ZFPM1: variants seen among roughly 807,000 people sequenced by gnomAD.
ZFPM1 encodes the protein zinc finger protein ZFPM1.
In ZFPM1, 28 loss-of-function variants were observed where a neutral mutation model predicts 46.3. That is an observed-to-expected ratio of 0.60 (90% CI 0.45 to 0.83). ZFPM1 has a LOEUF of 0.83. Among genes scored for constraint, ZFPM1 ranks in the 40% least tolerant of loss-of-function variants. ZFPM1 has a pLI of 0.00. For synonymous variants in ZFPM1, 957 were observed against 675.9 expected, an observed-to-expected ratio of 1.42 and a Z score of -6.45; for missense variants, 1,878 against 1,432.4, an observed-to-expected ratio of 1.31 and a Z score of -5.02.
intron 1 of ZFPM1, 28 bp downstream of exon 1, chr16:88,453,706 TCCGCGCGCCCGACCCCCGCCGGAGCCCAG>T: frequency 8.5e-7 from 1 of 1,178,138 alleles, no homozygotes; most frequent in Non-Finnish European, 1.1e-6. Context: ...CGCGGTCCCC[TCCGCGCGCCCGACCCCCGCCGGAGCCCAG>T]CCGCCAGCGC....
intron 1 of ZFPM1, among the ~76,000 whole-genome samples, chr16:88,466,431 C>T (rs184095793): frequency 3.5e-4 from 54 of 152,300 alleles, no homozygotes; most frequent in African/African-American, 1.2e-3. Flanking sequence ...AGAGTCTAGC[C>T]GAGGTCAGAG....
chr16:88,523,796 C>T (rs1912088317), intron 4 of ZFPM1, among the ~76,000 whole-genome samples: 1 of 152,186 alleles, frequency 6.6e-6, no homozygotes, highest in Admixed American at 6.5e-5. Flanking sequence ...CTGTTCCCTC[C>T]CGGGTCGGGG....
At chr16:88,465,121 C>A (rs1908076061) in intron 1 of ZFPM1, among the ~76,000 whole-genome samples, 1 of 152,224 alleles carries the variant, frequency 6.6e-6, no homozygotes, top group Non-Finnish European at 1.5e-5. Context: ...CTGGGCCAGA[C>A]CATGAACCAC....
At chr16:88,491,739 G>GC (rs1909589269) in intron 3 of ZFPM1, among the ~76,000 whole-genome samples, 1 of 152,226 alleles carries the variant, frequency 6.6e-6, no homozygotes, top group Non-Finnish European at 1.5e-5. Context: ...GGACCAGGCG[G>GC]TGCCCTATCG....
Position 88,533,278 on chromosome 16 carries a change from G to A in ZFPM1, c.1320G>A (p.Glu440=), listed in dbSNP as rs1178558383. The A allele has an allele frequency of 1.4e-5, 19 of 1,393,534 alleles. No homozygotes were observed. The East Asian group carries it at 2.8e-4, about 20-fold the overall frequency. The allele number at this position is 1,393,534 out of a possible 1,614,324, so 86.3% of individuals were successfully genotyped here. The change falls in exon 10 of 10, where the codon GAG becomes GAA. Residue 440 remains glutamate, a synonymous_variant. Transcript: ENST00000319555. ...CCCTGGCCGAGGCCACCAACGGAGA[G>A]GCCAGAGCGGAGCCTCTGGCCCAGA... The part of the protein sequence containing the change: ...RKALAEATNG[E]ARAEPLAQNG...
In ZFPM1 at chr16:88,480,047, G is replaced by A. The variant is rs1324101107; in HGVS notation, c.41-5892G>A. ...GGCTGAGTCCTAACGCCAGCCTTTG[G>A]CAAGACAGTTTGATCCGCTGAAACC... On this transcript the variant is annotated intron_variant, in intron 1 of 9. Coordinates refer to ENST00000319555, the MANE Select transcript of ZFPM1 (RefSeq NM_153813.3). The surrounding 1 kb of genome is among the most constrained non-coding windows in gnomAD (Gnocchi z 4.9). 6.6e-6 allele frequency among the ~76,000 whole-genome samples: 1 copy of A among 151,902 alleles called. No individual in the cohort carries two copies.
chr16:88,463,015 G>A (rs1402807305), intron 1 of ZFPM1, among the ~76,000 whole-genome samples: 3 of 152,116 alleles, frequency 2.0e-5, no homozygotes, highest in Admixed American at 6.5e-5. Flanking sequence ...TCTCTGTCAC[G>A]GCTGGCCTTG....
intron 2 of ZFPM1, among the ~76,000 whole-genome samples, chr16:88,488,620 T>G (rs1909376941): frequency 6.6e-6 from 1 of 151,580 alleles, no homozygotes; most frequent in African/African-American, 2.4e-5. Flanking sequence ...GGGGCCGAGG[T>G]GGTTATCAGG....
chr16:88,518,075 G>T (rs1008944966), intron 4 of ZFPM1, among the ~76,000 whole-genome samples: 7 of 152,160 alleles, frequency 4.6e-5, no homozygotes, highest in Non-Finnish European at 8.8e-5. Context: ...CATGGTGGCG[G>T]GCGCCTGTAG....
intron 1 of ZFPM1, among the ~76,000 whole-genome samples, chr16:88,465,903 TA>T (rs1908114382): frequency 6.6e-6 from 1 of 151,980 alleles, no homozygotes; most frequent in African/African-American, 2.4e-5. Flanking sequence ...GAAGCAGCCA[TA>T]GGGGTGGAGG....
intron 1 of ZFPM1, among the ~76,000 whole-genome samples, chr16:88,455,292 G>A (rs1439764659): frequency 6.6e-6 from 1 of 152,142 alleles, no homozygotes; most frequent in African/African-American, 2.4e-5. Flanking sequence ...CAGCCCAGCG[G>A]GGCGGGCAGA....
At position 88,534,937 on chromosome 16, in the gene ZFPM1, G is replaced by A. The variant is rs1382965148; in HGVS notation, c.2979G>A (p.Lys993=). The A allele has an allele frequency of 4.5e-6, 7 of 1,539,530 alleles. No homozygotes were observed. Among genetic ancestry groups the A allele is most frequent in the Non-Finnish European group, 5.3e-6 (6 of 1,142,432 alleles). ...FSSLSTFIAH[K]KYYCSSHAAE... ...GCCTGTCCACCTTCATCGCCCACAAGAAGTATTACTGCTCCTCGCACGCCG... is the reference window on the plus strand; with the variant it reads ...GCCTGTCCACCTTCATCGCCCACAAAAAGTATTACTGCTCCTCGCACGCCG... Residue 993 remains lysine (K), a synonymous_variant, in exon 10 of 10, where the codon AAG becomes AAA. Coordinates refer to ENST00000319555, the MANE Select transcript of ZFPM1 (RefSeq NM_153813.3).
intron 7 of ZFPM1, 96 bp from the exon 8 acceptor site, chr16:88,532,518 C>A: frequency 7.6e-7 from 1 of 1,308,246 alleles, no homozygotes; most frequent in Non-Finnish European, 1.1e-6. Context: ...GGTCCCCCGG[C>A]ACAGATCACG....
chr16:88,520,647 G>A (rs1341196144), intron 4 of ZFPM1, among the ~76,000 whole-genome samples: 1 of 136,622 alleles, frequency 7.3e-6, no homozygotes, highest in Admixed American at 7.2e-5. Flanking sequence ...ATAGATGGAT[G>A]GGTGGATGGA....
intron 3 of ZFPM1, among the ~76,000 whole-genome samples, chr16:88,503,513 C>T (rs1392037429): frequency 6.6e-6 from 1 of 150,590 alleles, no homozygotes; most frequent in Non-Finnish European, 1.5e-5. Flanking sequence ...CCGGCCTGTT[C>T]TGCCTCCAGG....
chr16:88,467,393 C>G (rs1309039215), intron 1 of ZFPM1, among the ~76,000 whole-genome samples: 1 of 152,254 alleles, frequency 6.6e-6, no homozygotes, highest in Non-Finnish European at 1.5e-5. Flanking sequence ...GGCCAACCCC[C>G]CTGAGGTCTC....
Position 88,533,383 on chromosome 16 carries a change from C to T in ZFPM1, c.1425C>T (p.Ile475=), listed in dbSNP as rs1385794833. 118 of 1,526,022 alleles carry T rather than the reference C, an allele frequency of 7.7e-5. No homozygotes were observed. Among genetic ancestry groups the T allele is most frequent in the Non-Finnish European group, 9.9e-5 (113 of 1,142,722 alleles). The allele number at this position is 1,526,022 out of a possible 1,614,324, so 94.5% of individuals were successfully genotyped here. ...EAVEEPEAAP[I]LGPGEPGPQA... ...TGGAGGAGCCGGAGGCGGCCCCCAT[C>T]CTGGGCCCCGGAGAGCCTGGGCCCC... is the stretch of plus-strand genomic sequence containing the variant. The change falls in exon 10 of 10, where the codon ATC becomes ATT. Residue 475 remains isoleucine (I), a synonymous_variant. Transcript: ENST00000319555.
chr16:88,458,216 G>C (rs574068761), intron 1 of ZFPM1, among the ~76,000 whole-genome samples: 1 of 152,216 alleles, frequency 6.6e-6, no homozygotes, highest in East Asian at 1.9e-4. Flanking sequence ...TCCGGCTTCT[G>C]TCTGCCCTGC....
intron 1 of ZFPM1, among the ~76,000 whole-genome samples, chr16:88,461,599 A>T (rs547150788): frequency 6.6e-6 from 1 of 152,020 alleles, no homozygotes; most frequent in Non-Finnish European, 1.5e-5. Flanking sequence ...TGTCCTAGGG[A>T]CACGTCTGTG....
Sources: gnomAD v4.1 joint callset for allele counts (sites outside exome capture counted in the v4.1 genomes callset) on GRCh38, gnomAD v4.1.1 for gene constraint, Gnocchi (gnomAD v3.1) non-coding constraint, MANE v1.5 for transcripts, NCBI Gene and HGNC (gene_info 2026-07-23, HGNC 2026-07-21) for gene names.